Variants in UNC80 observed in about 807,000 individuals in gnomAD.
UNC80 encodes the protein unc-80 subunit of NALCN channel complex.
UNC80 carries 164 observed loss-of-function variants against 384.6 expected under a neutral mutation model. The ratio of observed to expected loss-of-function variants is 0.43; its 90% confidence interval spans 0.38 to 0.49. UNC80 has a LOEUF of 0.49. UNC80 is among the 20% of genes least tolerant of loss of function. The pLI, the probability that UNC80 is intolerant of heterozygous loss-of-function variation, is 0.00. For synonymous variants in UNC80, 1,486 were observed against 1,527.8 expected (o/e 0.97, Z 0.64); for missense variants, 3,330 against 4,143.0 (o/e 0.80, Z 5.39).
intron 23 of UNC80, among the ~76,000 whole-genome samples, 169 bp downstream of exon 23, chr2:209,873,139 A>G (rs1002528122): frequency 2.0e-5 from 3 of 152,224 alleles, no homozygotes; most frequent in Non-Finnish European, 2.9e-5. Context: ...TCGTCCCAAT[A>G]AATCTATGAG....
At chr2:209,919,554 T>G (rs1003088440) in intron 33 of UNC80, among the ~76,000 whole-genome samples, 4 of 152,270 alleles carry the variant, frequency 2.6e-5, no homozygotes, top group Admixed American at 1.3e-4. Flanking sequence ...ACTTACTGTT[T>G]ATTTTATTCA....
intron 24 of UNC80, among the ~76,000 whole-genome samples, 163 bp from the exon 25 acceptor site, chr2:209,880,798 G>C (rs769885361): frequency 2.6e-5 from 4 of 152,146 alleles, no homozygotes; most frequent in Admixed American, 2.0e-4. Flanking sequence ...AACTTACATA[G>C]ATATAGATGA....
At position 209,817,840 on chromosome 2, in the gene UNC80, T is replaced by G; in HGVS notation, c.1581T>G (p.Asp527Glu). 2 of 1,551,652 alleles carry G rather than the reference T, an allele frequency of 1.3e-6. No homozygotes were observed. The highest frequency in any genetic ancestry group is 1.7e-6 in the Non-Finnish European group (2 of 1,146,988). The change falls in exon 11 of 65, where the codon GAT becomes GAG. Residue 527 changes from aspartate to glutamate, a missense_variant. By Grantham distance (45) the Asp-to-Glu change is conservative (BLOSUM62 2). Coordinates refer to ENST00000673920, the MANE Select transcript of UNC80 (RefSeq NM_001371986.1). Reference protein sequence around the residue: ...LGKLTRRGSSDAATEMESLSA... With the variant: ...LGKLTRRGSSEAATEMESLSA... ...AATTGACCCGGCGAGGCAGTTCAGA[T>G]GCAGCCACTGAGATGGAGAGTCTGA...
chr2:209,875,512 C>T (rs578199683), intron 23 of UNC80, among the ~76,000 whole-genome samples: 1 of 152,344 alleles, frequency 6.6e-6, no homozygotes, highest in East Asian at 1.9e-4. Flanking sequence ...GCTAGTACAA[C>T]ATCCCTGGCA....
At chr2:209,953,416 CAAAAAAAA>C (rs543990253) in intron 47 of UNC80, among the ~76,000 whole-genome samples, 1 of 42,438 alleles carries the variant, frequency 2.4e-5, no homozygotes, top group African/African-American at 7.7e-5. Context: ...AAGACTCTGT[CAAAAAAAA>C]AAAAAAAAAA....
intron 5 of UNC80, 136 bp from the exon 6 acceptor site, chr2:209,789,396 C>T (rs2077653713): frequency 1.6e-6 from 1 of 618,216 alleles, no homozygotes; most frequent in South Asian, 2.2e-5. Flanking sequence ...ATATCTCTTA[C>T]AATATGCGTT....
intron 22 of UNC80, among the ~76,000 whole-genome samples, chr2:209,866,486 A>ACCCCCCC (rs67328888): frequency 1.8e-5 from 2 of 111,752 alleles, no homozygotes; most frequent in African/African-American, 7.8e-5. Context: ...TACAAAATGC[A>ACCCCCCC]CCCCCACACA....
intron 7 of UNC80, among the ~76,000 whole-genome samples, chr2:209,805,001 G>A (rs2153826586): frequency 1.3e-5 from 2 of 152,184 alleles, no homozygotes; most frequent in Admixed American, 1.3e-4. Context: ...ATTATCAGAA[G>A]CCATTTCTTA....
chr2:209,875,242 G>A (rs2084674216), intron 23 of UNC80, among the ~76,000 whole-genome samples: 1 of 152,100 alleles, frequency 6.6e-6, no homozygotes, highest in South Asian at 2.1e-4. Context: ...ATTAGAGTGT[G>A]TTTCTTATCC....
chr2:209,849,353 G>A (rs1574725847), intron 21 of UNC80, 98 bp from the exon 22 acceptor site: 9 of 1,378,868 alleles, frequency 6.5e-6, no homozygotes, highest in Admixed American at 2.2e-5. Flanking sequence ...GGCCAACACT[G>A]TAGAAAACAC....
intron 21 of UNC80, among the ~76,000 whole-genome samples, chr2:209,843,113 A>G (rs1424143308): frequency 1.3e-5 from 2 of 152,170 alleles, no homozygotes; most frequent in African/African-American, 4.8e-5. Context: ...CCTTATGTGG[A>G]AGTGTCTCTA....
intron 8 of UNC80, 49 bp downstream of exon 8, chr2:209,813,890 A>G: frequency 6.5e-7 from 1 of 1,532,494 alleles, no homozygotes; most frequent in Non-Finnish European, 8.8e-7. Context: ...CTTTGCCATA[A>G]TGGATTCTTT....
At chr2:209,793,572 G>T in intron 6 of UNC80, 148 bp from the exon 7 acceptor site, 2 of 827,632 alleles carry the variant, frequency 2.4e-6, no homozygotes, top group African/African-American at 1.7e-5. Flanking sequence ...AAAATCCCTT[G>T]GCCCATAATA....
Position 209,970,966 on chromosome 2 carries a change from G to C in UNC80, c.8256+9G>C. 1 of 1,547,942 alleles carries C rather than the reference G, an allele frequency of 6.5e-7. No individual in the cohort carries two copies. Among genetic ancestry groups the C allele is most frequent in the Non-Finnish European group, 8.7e-7 (1 of 1,145,694 alleles). On this transcript the variant is annotated intron_variant, in intron 54 of 64. Transcript: ENST00000673920. ...TAGCATTGCAGATACAGGTGTGACT[G>C]CCTTACCTGTTTGTCACGCTCATTA...
chr2:209,994,542 T>C (rs2093450810), intron 64 of UNC80, among the ~76,000 whole-genome samples: 2 of 152,272 alleles, frequency 1.3e-5, no homozygotes, highest in South Asian at 4.1e-4. Flanking sequence ...TTAAAACAGG[T>C]TTATACAGGT....
Position 209,976,946 on chromosome 2 carries a change from C to A in UNC80, c.8806C>A (p.Leu2936Ile), listed in dbSNP as rs1487041230. The A allele has an allele frequency of 1.3e-6, 2 of 1,528,826 alleles. No homozygotes were observed. 94.7% of individuals were successfully genotyped at this position (1,528,826 alleles called of 1,614,324 possible). ...LAQPAENHEELSARQHIADQL... is the reference protein window; with the variant it reads ...LAQPAENHEEISARQHIADQL... ...CCAACCAGCAGAGAATCATGAAGAG[C>A]TTTCCGCCCGGCAACATATTGCCGA... Residue 2936 changes from leucine to isoleucine, a missense_variant, in exon 58 of 65, where the codon CTT becomes ATT. Coordinates refer to ENST00000673920, the MANE Select transcript of UNC80 (RefSeq NM_001371986.1). The surrounding 1 kb of genome is among the most constrained non-coding windows in gnomAD (Gnocchi z 4.3).
intron 38 of UNC80, among the ~76,000 whole-genome samples, chr2:209,931,794 C>T (rs1036971859): frequency 5.3e-5 from 8 of 152,088 alleles, no homozygotes; most frequent in African/African-American, 9.7e-5. Flanking sequence ...ATCTTTCTTC[C>T]GAGTGCCTAC....
intron 15 of UNC80, 139 bp from the exon 16 acceptor site, chr2:209,831,304 A>G: frequency 1.2e-6 from 1 of 864,060 alleles, no homozygotes; most frequent in South Asian, 2.3e-5. Flanking sequence ...AGATTATTAA[A>G]CCTGGGGCAT....
intron 42 of UNC80, 77 bp downstream of exon 42, chr2:209,937,707 T>A (rs888930612): frequency 8.6e-7 from 1 of 1,159,492 alleles, no homozygotes; most frequent in African/African-American, 1.5e-5. Flanking sequence ...TTTGCCAACT[T>A]TGAGATTTTA....
Sources: allele counts gnomAD v4.1 joint callset (sites outside exome capture counted in the v4.1 genomes callset), GRCh38; gene constraint gnomAD v4.1.1; non-coding constraint Gnocchi (gnomAD v3.1); transcripts MANE v1.5; gene names NCBI Gene and HGNC (gene_info 2026-07-23, HGNC 2026-07-21).